The following VKORC1L1 variants were observed in gnomAD, a reference collection of about 807,000 sequenced individuals.
VKORC1L1 encodes vitamin K epoxide reductase complex subunit 1-like protein 1.
Under a neutral mutation model 18.9 loss-of-function variants are expected in VKORC1L1, and 2 were observed. The observed-to-expected ratio is 0.11, with a 90% CI of 0.04 to 0.33. The LOEUF is 0.33. Ranked by LOEUF, VKORC1L1 falls within the 10% of genes least tolerant of loss-of-function variation. The probability of loss-of-function intolerance (pLI) is 1.00; values close to 1 mark genes in which losing one functional copy is unlikely to be tolerated. For missense variants in VKORC1L1, 123 were observed against 224.1 expected, an observed-to-expected ratio of 0.55 and a Z score of 2.88; for synonymous variants, 96 against 100.0, an observed-to-expected ratio of 0.96 and a Z score of 0.24.
intron 1 of VKORC1L1, among the ~76,000 whole-genome samples, chr7:65,922,061 C>T (rs1352086752): frequency 6.6e-6 from 1 of 152,108 alleles, no homozygotes; most frequent in Non-Finnish European, 1.5e-5. Flanking sequence ...AGTTGTATCA[C>T]TTTTCTGTCA....
intron 1 of VKORC1L1, among the ~76,000 whole-genome samples, chr7:65,907,310 G>A (rs1253794639): frequency 6.6e-6 from 1 of 151,930 alleles, no homozygotes; most frequent in Non-Finnish European, 1.5e-5. Context: ...GGTGGCGTGT[G>A]CCTATAATCC....
At chr7:65,906,927 C>T (rs772755086) in intron 1 of VKORC1L1, among the ~76,000 whole-genome samples, 1 of 152,140 alleles carries the variant, frequency 6.6e-6, no homozygotes, top group Non-Finnish European at 1.5e-5. Context: ...TGAACTTGTA[C>T]TGGTGCTAAT....
intron 1 of VKORC1L1, among the ~76,000 whole-genome samples, chr7:65,899,218 C>G (rs535362217): frequency 1.3e-5 from 2 of 152,302 alleles, no homozygotes; most frequent in African/African-American, 4.8e-5. Flanking sequence ...GGGTGCCACC[C>G]AAAATGCAGG....
chr7:65,865,851 G>T, the VKORC1L1 span, among the ~76,000 whole-genome samples: 1 of 151,870 alleles, frequency 6.6e-6, no homozygotes, highest in African/African-American at 2.4e-5. Flanking sequence ...GCCTGCCACC[G>T]TGGCTCACGC....
At chr7:65,885,812 A>G (rs1789001921) in intron 1 of VKORC1L1, among the ~76,000 whole-genome samples, 1 of 152,070 alleles carries the variant, frequency 6.6e-6, no homozygotes, top group Non-Finnish European at 1.5e-5. Flanking sequence ...GATAGGGCAA[A>G]TATGCTCATT....
At position 65,940,242 on chromosome 7, in the gene VKORC1L1, C is replaced by G. The variant is rs1466792332; in HGVS notation, c.195-8429C>G. Among the ~76,000 whole-genome samples the G allele has an allele frequency of 2.6e-5, 4 of 152,164 alleles. No homozygotes were observed. The East Asian group carries it at 7.7e-4, about 29-fold the overall frequency. On this transcript the variant is annotated intron_variant, in intron 1 of 2. Transcript: ENST00000360768. ...GTCTCACCATGTTGCCCAGGCTGGT[C>G]TGGAATTCCTGTCCTCAAGCAATCC...
upstream of VKORC1L1, among the ~76,000 whole-genome samples, chr7:65,869,078 G>T (rs1046304928): frequency 1.3e-5 from 2 of 152,116 alleles, no homozygotes; most frequent in Non-Finnish European, 2.9e-5. Context: ...ACTTTGGGAG[G>T]CCGAGGCGGG....
At chr7:65,950,722 G>C (rs1164739989) in intron 2 of VKORC1L1, among the ~76,000 whole-genome samples, 1 of 152,132 alleles carries the variant, frequency 6.6e-6, no homozygotes, top group African/African-American at 2.4e-5. Flanking sequence ...GGAAAAAGGA[G>C]ATCTATGTTT....
chr7:65,887,988 AT>A (rs1299832251), intron 1 of VKORC1L1, among the ~76,000 whole-genome samples: 1 of 152,194 alleles, frequency 6.6e-6, no homozygotes, highest in Non-Finnish European at 1.5e-5. Flanking sequence ...TTAACATTTT[AT>A]TATTATTCAC....
chr7:65,938,207 T>C (rs1451968859), intron 1 of VKORC1L1, among the ~76,000 whole-genome samples: 3 of 150,896 alleles, frequency 2.0e-5, no homozygotes, highest in South Asian at 2.1e-4. Context: ...AAAAAAACCA[T>C]CTCAGAAAAA....
chr7:65,956,118 C>T lies in VKORC1L1; in HGVS notation c.*1818C>T, dbSNP rs527670949. On this transcript the variant is annotated 3_prime_UTR_variant, in exon 3 of 3. Transcript: ENST00000360768. ...CAATGGCTGTTGGAGTATGTATGTA[C>T]TGTTCTTGCATTCTGAAGTAGTTAA... 7 of 152,332 alleles carry T rather than the reference C, an allele frequency of 4.6e-5. 1 individual carries two copies. In the East Asian group the frequency reaches 1.4e-3, roughly 29 times the overall value. 9.4% of individuals were successfully genotyped at this position (152,332 alleles called of 1,614,324 possible).
chr7:65,934,063 A>T (rs1789901749), intron 1 of VKORC1L1, among the ~76,000 whole-genome samples: 1 of 152,144 alleles, frequency 6.6e-6, no homozygotes, highest in African/African-American at 2.4e-5. Flanking sequence ...AACTGAAAAA[A>T]AATCTTTTGA....
At chr7:65,929,745 G>A (rs1013169009) in intron 1 of VKORC1L1, among the ~76,000 whole-genome samples, 95 of 143,938 alleles carry the variant, frequency 6.6e-4, no homozygotes, top group African/African-American at 2.3e-3. Flanking sequence ...TTTTTGTAGA[G>A]ACAGGTTCTC....
intron 1 of VKORC1L1, among the ~76,000 whole-genome samples, chr7:65,900,319 G>C (rs1789293253): frequency 6.6e-6 from 1 of 151,672 alleles, no homozygotes. Flanking sequence ...GAACCCGGGA[G>C]GGGAGGCGGA....
chr7:65,880,859 G>A (rs1250520788), intron 1 of VKORC1L1, among the ~76,000 whole-genome samples: 1 of 152,166 alleles, frequency 6.6e-6, no homozygotes, highest in Non-Finnish European at 1.5e-5. Flanking sequence ...TGTAAACACT[G>A]ATAAGACATA....
chr7:65,900,185 C>T (rs1789289743), intron 1 of VKORC1L1, among the ~76,000 whole-genome samples: 1 of 149,416 alleles, frequency 6.7e-6, no homozygotes, highest in African/African-American at 2.5e-5. Context: ...GTCAGGAGAT[C>T]GAGACAATCC....
chr7:65,889,382 T>G (rs941936314), intron 1 of VKORC1L1, among the ~76,000 whole-genome samples: 1 of 152,242 alleles, frequency 6.6e-6, no homozygotes, highest in African/African-American at 2.4e-5. Flanking sequence ...AAAATGCTGT[T>G]GGCTATCTCA....
chr7:65,898,081 T>TG (rs1215041244), intron 1 of VKORC1L1, among the ~76,000 whole-genome samples: 6 of 99,744 alleles, frequency 6.0e-5, no homozygotes, highest in African/African-American at 2.3e-4. Flanking sequence ...TAGCAGGTTT[T>TG]TTTTTTTTTT....
At chr7:65,939,088 C>T (rs924939564) in intron 1 of VKORC1L1, among the ~76,000 whole-genome samples, 1 of 152,116 alleles carries the variant, frequency 6.6e-6, no homozygotes, top group African/African-American at 2.4e-5. Context: ...AAGAACATCA[C>T]GTAAGAGATT....
Sources: gnomAD v4.1 joint callset for allele counts (sites outside exome capture counted in the v4.1 genomes callset) on GRCh38, gnomAD v4.1.1 for gene constraint, MANE v1.5 for transcripts, NCBI Gene and HGNC (gene_info 2026-07-23, HGNC 2026-07-21) for gene names.